The following CEMIP variants were observed in gnomAD, a reference collection of about 807,000 sequenced individuals.
CEMIP encodes cell migration inducing hyaluronidase 1, also known as cell migration-inducing and hyaluronan-binding protein.
CEMIP carries 105 observed loss-of-function variants against 156.9 expected under a neutral mutation model. That is an observed-to-expected ratio of 0.67 (90% CI 0.57 to 0.79). The LOEUF (loss-of-function observed/expected upper bound fraction) is 0.79. Ranked by LOEUF, CEMIP falls within the 30% of genes least tolerant of loss-of-function variation. CEMIP has a pLI of 0.00. For missense variants in CEMIP, 1,457 were observed against 1,769.4 expected (o/e 0.82, Z 3.17); for synonymous variants, 676 against 668.4 (o/e 1.01, Z -0.17).
intron 1 of CEMIP, among the ~76,000 whole-genome samples, chr15:80,805,654 T>C (rs927951303): frequency 1.3e-5 from 2 of 152,228 alleles, no homozygotes; most frequent in African/African-American, 4.8e-5. Context: ...AAACTAGGTA[T>C]AAATTCCTCA....
chr15:80,827,392 G>T (rs1897060549), intron 1 of CEMIP, among the ~76,000 whole-genome samples: 1 of 152,150 alleles, frequency 6.6e-6, no homozygotes, highest in Admixed American at 6.5e-5. Flanking sequence ...CCTGAAGTGG[G>T]CGGATCACCT....
intron 5 of CEMIP, 43 bp from the exon 6 acceptor site, chr15:80,880,857 A>C: frequency 1.3e-6 from 2 of 1,527,240 alleles, no homozygotes; most frequent in Non-Finnish European, 1.8e-6. Context: ...TATCCAGTAA[A>C]GAGATGTGTC....
In CEMIP at chr15:80,786,556, CTGTG is replaced by C. The variant is rs3048927; in HGVS notation, c.-176+6978_-176+6981del. ...TGTCTTTAATATTCTGGATGTCTTG[CTGTG>C]TGTGTGTGTGTGTGTGTGTGTGTGT... On this transcript the variant is annotated intron_variant, in intron 1 of 29. Transcript: ENST00000394685. 3.9e-3 allele frequency among the ~76,000 whole-genome samples: 547 copies of C among 140,382 alleles called. 1 individual carries two copies. Among genetic ancestry groups the C allele is most frequent in the East Asian group, 0.016 (75 of 4,740 alleles). The allele number at this position is 140,382 out of a possible 152,430, so 92.1% of individuals were successfully genotyped here.
chr15:80,838,660 A>G (rs549165529), intron 1 of CEMIP, among the ~76,000 whole-genome samples: 1 of 152,136 alleles, frequency 6.6e-6, no homozygotes, highest in South Asian at 2.1e-4. Flanking sequence ...CCCCCGTGTG[A>G]TTTGTCTTTG....
chr15:80,865,734 T>C (rs1344519527), intron 1 of CEMIP, among the ~76,000 whole-genome samples: 6 of 151,700 alleles, frequency 4.0e-5, no homozygotes, highest in Admixed American at 3.9e-4. Flanking sequence ...TCTTCCAGTA[T>C]GGCCCAGGGA....
At chr15:80,894,787 A>C (rs567651322) in intron 10 of CEMIP, among the ~76,000 whole-genome samples, 1 of 152,342 alleles carries the variant, frequency 6.6e-6, no homozygotes, top group East Asian at 1.9e-4. Flanking sequence ...CCAGGCATTT[A>C]TCTATTCCAA....
At chr15:80,796,757 G>A (rs934414926) in intron 1 of CEMIP, among the ~76,000 whole-genome samples, 2 of 152,172 alleles carry the variant, frequency 1.3e-5, no homozygotes, top group South Asian at 2.1e-4. Flanking sequence ...AGTAACTTAC[G>A]CTCCTACCTT....
intron 19 of CEMIP, among the ~76,000 whole-genome samples, chr15:80,927,986 C>A (rs918621450): frequency 2.0e-5 from 3 of 152,156 alleles, no homozygotes; most frequent in African/African-American, 7.2e-5. Context: ...ATGCCTGCCA[C>A]CAGGACCAGC....
Position 80,936,864 on chromosome 15 carries a change from T to A in CEMIP, c.3200T>A (p.Ile1067Asn). The change falls in exon 24 of 30, where the codon ATC becomes AAC. Residue 1067 changes from isoleucine (I) to asparagine (N), a missense_variant. Physicochemically the swap from Ile to Asn is moderately radical, Grantham distance 149. Coordinates refer to ENST00000394685, the MANE Select transcript of CEMIP (RefSeq NM_001293298.2). ...WDQTAPAELA[I>N]WLINFNKGDW... ...CAGACGGCCCCCGCCGAACTCGCCA[T>A]CTGGCTCATCAACTTCAACAAGTGA... 1 of 1,614,192 alleles carries A rather than the reference T, an allele frequency of 6.2e-7. No individual in the cohort carries two copies. Among genetic ancestry groups the A allele is most frequent in the East Asian group, 2.2e-5 (1 of 44,890 alleles).
chr15:80,822,304 G>A (rs983201011), intron 1 of CEMIP, among the ~76,000 whole-genome samples: 1 of 152,146 alleles, frequency 6.6e-6, no homozygotes, highest in Non-Finnish European at 1.5e-5. Context: ...TGCCGCTGGG[G>A]CTACCACCTC....
chr15:80,834,996 GTGT>G (rs1897239527), intron 1 of CEMIP, among the ~76,000 whole-genome samples: 1 of 152,114 alleles, frequency 6.6e-6, no homozygotes, highest in East Asian at 1.9e-4. Context: ...TATTACTCAA[GTGT>G]TGTTATTTTT....
intron 14 of CEMIP, among the ~76,000 whole-genome samples, chr15:80,919,227 A>G (rs1419958943): frequency 6.6e-6 from 1 of 152,168 alleles, no homozygotes; most frequent in Non-Finnish European, 1.5e-5. Context: ...GGGTACAATA[A>G]GGAGCATCAA....
chr15:80,926,155 T>A (rs1273093414), intron 19 of CEMIP, among the ~76,000 whole-genome samples: 1 of 152,168 alleles, frequency 6.6e-6, no homozygotes, highest in Non-Finnish European at 1.5e-5. Context: ...AATTATGATC[T>A]CCATTTTAGA....
chr15:80,884,313 G>A lies in CEMIP; in HGVS notation c.756G>A (p.Met252Ile), dbSNP rs562341405. ...TGGATGACATGGCCAGGAAGGCGAT[G>A]ACCAAATTGGGAAGCAAACACTTCC... ...RNLDDMARKAMTKLGSKHFLH... is the reference protein window; with the variant it reads ...RNLDDMARKAITKLGSKHFLH... The change falls in exon 7 of 30, where the codon ATG (methionine) becomes ATA (isoleucine). Residue 252 changes from methionine (M) to isoleucine (I), a missense_variant. Physicochemically the swap from Met to Ile is conservative, Grantham distance 10 (BLOSUM62 1). Coordinates refer to ENST00000394685, the MANE Select transcript of CEMIP (RefSeq NM_001293298.2). 1.2e-6 allele frequency: 2 copies of A among 1,614,206 alleles called. No homozygotes were observed. The highest frequency in any genetic ancestry group is 2.2e-5 in the South Asian group (2 of 91,082).
chr15:80,915,217 TG>T (rs1322369820), intron 14 of CEMIP, among the ~76,000 whole-genome samples: 1 of 152,252 alleles, frequency 6.6e-6, no homozygotes, highest in Non-Finnish European at 1.5e-5. Context: ...GTGGCTAATT[TG>T]TTAGTCCTAC....
intron 12 of CEMIP, among the ~76,000 whole-genome samples, chr15:80,898,255 A>G (rs1899314005): frequency 6.6e-6 from 1 of 152,236 alleles, no homozygotes; most frequent in Non-Finnish European, 1.5e-5. Context: ...ATGACCTTAG[A>G]CAATTACGTA....
chr15:80,819,761 T>G (rs181329973), intron 1 of CEMIP, among the ~76,000 whole-genome samples: 2 of 152,372 alleles, frequency 1.3e-5, no homozygotes, highest in Admixed American at 1.3e-4. Context: ...GCACCTACTT[T>G]AGGCCCATGC....
intron 21 of CEMIP, among the ~76,000 whole-genome samples, chr15:80,930,425 AG>A (rs1163225610): frequency 1.3e-5 from 2 of 152,244 alleles, no homozygotes; most frequent in East Asian, 1.9e-4. Context: ...AGACTGAGGC[AG>A]GTTCCTCAAA....
chr15:80,873,738 C>T (rs1898372113), intron 2 of CEMIP, 42 bp downstream of exon 2: 2 of 698,338 alleles, frequency 2.9e-6, no homozygotes, highest in Admixed American at 2.1e-5. Flanking sequence ...TGAGTGTGCC[C>T]ATTCTGTCAC....
Sources: gnomAD v4.1 joint callset for allele counts (sites outside exome capture counted in the v4.1 genomes callset) on GRCh38, gnomAD v4.1.1 for gene constraint, MANE v1.5 for transcripts, NCBI Gene and HGNC (gene_info 2026-07-23, HGNC 2026-07-21) for gene names.